LRIF1: variants seen among roughly 807,000 people sequenced by gnomAD.
LRIF1 encodes the protein ligand dependent nuclear receptor interacting factor 1.
A neutral mutation model predicts 52.7 loss-of-function variants in LRIF1; 32 were observed. The observed-to-expected ratio is 0.61, with a 90% CI of 0.46 to 0.82. LRIF1 has a LOEUF of 0.82. Among genes scored for constraint, LRIF1 ranks in the 40% least tolerant of loss-of-function variants. The pLI is 0.00. For missense variants in LRIF1, 887 were observed against 892.0 expected, an observed-to-expected ratio of 0.99 and a Z score of 0.07; for synonymous variants, 323 against 317.4, an observed-to-expected ratio of 1.02 and a Z score of -0.19.
chr1:110,897,639 T>C, the LRIF1 span: 1 of 482,410 alleles, frequency 2.1e-6, no homozygotes, highest in East Asian at 3.3e-5. Flanking sequence ...TAGTTTAATA[T>C]TTCCCACCTT....
At chr1:110,891,606 A>G in the LRIF1 span, 55 of 689,518 alleles carry the variant, frequency 8.0e-5, no homozygotes, top group Admixed American at 3.2e-4. Context: ...CATCCTAGAA[A>G]CAAAAGAGTA....
the LRIF1 span, among the ~76,000 whole-genome samples, chr1:110,904,630 A>G: frequency 6.6e-6 from 1 of 152,196 alleles, no homozygotes; most frequent in Non-Finnish European, 1.5e-5. Flanking sequence ...ACAACACTCA[A>G]GTCCTTTTGA....
the LRIF1 span, among the ~76,000 whole-genome samples, chr1:110,915,934 A>G: frequency 6.6e-6 from 1 of 152,252 alleles, no homozygotes; most frequent in African/African-American, 2.4e-5. Context: ...ACAACAGCAC[A>G]TCTTTGATGA....
chr1:110,963,385 A>G, intron 1 of LRIF1: 1 of 333,774 alleles, frequency 3.0e-6, no homozygotes, highest in Non-Finnish European at 5.7e-6. Flanking sequence ...ATTAAACTTG[A>G]GACGCTGGGG....
the LRIF1 span, among the ~76,000 whole-genome samples, chr1:110,930,484 C>G: frequency 1.5e-3 from 234 of 152,262 alleles, no homozygotes; most frequent in Admixed American, 3.3e-3. Context: ...CTTACATGGC[C>G]TTTCCTCTGT....
chr1:110,907,101 C>T, the LRIF1 span, among the ~76,000 whole-genome samples: 2 of 152,184 alleles, frequency 1.3e-5, no homozygotes, highest in Admixed American at 1.3e-4. Flanking sequence ...GAGACCTGAC[C>T]ATACTCTAGC....
chr1:110,922,486 T>C, the LRIF1 span, among the ~76,000 whole-genome samples: 2 of 152,110 alleles, frequency 1.3e-5, no homozygotes, highest in Non-Finnish European at 2.9e-5. Flanking sequence ...AGATATTCTG[T>C]TATAGCAGCA....
the LRIF1 span, among the ~76,000 whole-genome samples, chr1:110,889,725 G>GTTTT: frequency 3.3e-5 from 5 of 152,072 alleles, no homozygotes; most frequent in Non-Finnish European, 5.9e-5. Context: ...AAGAAATTGT[G>GTTTT]ACTGGAACTG....
At chr1:110,922,050 C>T in the LRIF1 span, among the ~76,000 whole-genome samples, 1 of 152,124 alleles carries the variant, frequency 6.6e-6, no homozygotes, top group Non-Finnish European at 1.5e-5. Context: ...ATTTAGCTCC[C>T]ACTTATAAGT....
the LRIF1 span, among the ~76,000 whole-genome samples, chr1:110,891,962 C>T: frequency 4.6e-4 from 70 of 152,172 alleles, no homozygotes; most frequent in Admixed American, 1.3e-4. Context: ...TAGTTTTCTG[C>T]CTAGCAAGAT....
chr1:110,921,378 T>A, the LRIF1 span, among the ~76,000 whole-genome samples: 1 of 152,068 alleles, frequency 6.6e-6, no homozygotes, highest in Non-Finnish European at 1.5e-5. Context: ...CTGTTGGGAC[T>A]AATAAACAAT....
the LRIF1 span, among the ~76,000 whole-genome samples, chr1:110,926,017 A>T: frequency 6.6e-6 from 1 of 152,120 alleles, no homozygotes; most frequent in Non-Finnish European, 1.5e-5. Flanking sequence ...ATTAAGATAG[A>T]CCAAAATAAA....
At chr1:110,902,431 G>A in the LRIF1 span, among the ~76,000 whole-genome samples, 1 of 113,720 alleles carries the variant, frequency 8.8e-6, no homozygotes, top group African/African-American at 3.4e-5. Context: ...ACAAAGGCAA[G>A]AAACATCCCT....
chr1:110,954,535 A>G (rs1490688232), intron 1 of LRIF1, among the ~76,000 whole-genome samples: 1 of 152,184 alleles, frequency 6.6e-6, no homozygotes, highest in Non-Finnish European at 1.5e-5. Flanking sequence ...GTTAACTTCT[A>G]AAGAGAATAA....
At chr1:110,957,786 CTTAT>C (rs770698133) in intron 1 of LRIF1, among the ~76,000 whole-genome samples, 25 of 150,496 alleles carry the variant, frequency 1.7e-4, no homozygotes, top group Non-Finnish European at 2.8e-4. Flanking sequence ...TATCATCATT[CTTAT>C]TTACTTTAAA....
chr1:110,943,245 A>G (rs1557834472), downstream of LRIF1, among the ~76,000 whole-genome samples: 1 of 152,192 alleles, frequency 6.6e-6, no homozygotes. Context: ...GCTCTTGCAG[A>G]AAAGATAAAA....
At chr1:110,888,949 C>T in the LRIF1 span, among the ~76,000 whole-genome samples, 1 of 152,112 alleles carries the variant, frequency 6.6e-6, no homozygotes, top group Admixed American at 6.5e-5. Flanking sequence ...TTGATCAACC[C>T]AGCTGCAAAT....
the LRIF1 span, among the ~76,000 whole-genome samples, chr1:110,907,701 T>C: frequency 6.6e-6 from 1 of 152,176 alleles, no homozygotes; most frequent in African/African-American, 2.4e-5. Context: ...ACCACGGCAC[T>C]CCAGCCTGGG....
chr1:110,904,048 A>G, the LRIF1 span, among the ~76,000 whole-genome samples: 1 of 152,144 alleles, frequency 6.6e-6, no homozygotes, highest in Non-Finnish European at 1.5e-5. Context: ...TCTCCTTTGG[A>G]AAGGGGAGGG....
Sources: gnomAD v4.1 joint callset for allele counts (sites outside exome capture counted in the v4.1 genomes callset) on GRCh38, gnomAD v4.1.1 for gene constraint, MANE v1.5 for transcripts, NCBI Gene and HGNC (gene_info 2026-07-23, HGNC 2026-07-21) for gene names.